The following ARG2 variants were observed in gnomAD, a reference collection of about 807,000 sequenced individuals.
ARG2 encodes arginase 2.
ARG2 carries 21 observed loss-of-function variants against 39.4 expected under a neutral mutation model. The ratio of observed to expected loss-of-function variants is 0.53; its 90% CI spans 0.38 to 0.77. ARG2 has a LOEUF of 0.77. Ranked by LOEUF, ARG2 falls within the 30% of genes least tolerant of loss-of-function variation. The probability of loss-of-function intolerance (pLI) is 0.00; values close to 1 mark genes in which losing one functional copy is unlikely to be tolerated. For missense variants in ARG2, 378 were observed against 426.2 expected, an observed-to-expected ratio of 0.89 and a Z score of 1.00; for synonymous variants, 150 against 156.7, an observed-to-expected ratio of 0.96 and a Z score of 0.32.
At chr14:67,637,017 C>T (rs557053162) in intron 2 of ARG2, among the ~76,000 whole-genome samples, 45 of 152,334 alleles carry the variant, frequency 3.0e-4, no homozygotes, top group African/African-American at 1.1e-3. Context: ...ATTACAATGT[C>T]TGCATTTTTC....
Position 67,651,064 on chromosome 14 carries a change from C to T in ARG2, c.*144C>T. On this transcript the variant is annotated 3_prime_UTR_variant, in exon 8 of 8. Coordinates refer to ENST00000261783, the MANE Select transcript of ARG2 (RefSeq NM_001172.4). ...CATTCTCACAATTGTAAAGTTTCCC[C>T]TCTATTTTGGTGACCAATACTACTG... 3 of 1,080,940 alleles carry T rather than the reference C, an allele frequency of 2.8e-6. No homozygotes were observed. Among genetic ancestry groups the T allele is most frequent in the Non-Finnish European group, 4.0e-6 (3 of 754,366 alleles). 67.0% of individuals were successfully genotyped at this position (1,080,940 alleles called of 1,614,324 possible).
intron 3 of ARG2, among the ~76,000 whole-genome samples, chr14:67,644,020 T>G (rs7140310): frequency 0.17 from 25,838 of 152,138 alleles, 2,281 homozygotes; most frequent in East Asian, 0.25. Flanking sequence ...CTGTCTGCTG[T>G]TCTGAGTTCT....
At chr14:67,647,821 T>C (rs2037120352) in intron 6 of ARG2, 4 of 546,572 alleles carry the variant, frequency 7.3e-6, no homozygotes, top group South Asian at 7.0e-5. Context: ...GTCTGAGGTA[T>C]GCAGAACAAA....
At chr14:67,639,910 G>T (rs751722127) in intron 2 of ARG2, among the ~76,000 whole-genome samples, 1 of 122,824 alleles carries the variant, frequency 8.1e-6, no homozygotes, top group African/African-American at 3.2e-5. Context: ...GCATGATAGC[G>T]CAAGACCCTG....
rs2037168501 is a variant in ARG2, at chr14:67,651,053, TAA to T, written c.*135_*136del. 2.7e-6 allele frequency: 3 copies of T among 1,101,536 alleles called. No individual in the cohort carries two copies. Among genetic ancestry groups the T allele is most frequent in the Non-Finnish European group, 3.9e-6 (3 of 770,034 alleles). The allele number at this position is 1,101,536 out of a possible 1,614,324, so 68.2% of individuals were successfully genotyped here. ...GAACATTTACACATTCTCACAATTG[TAA>T]AGTTTCCCCTCTATTTTGGTGACCA... is the stretch of plus-strand genomic sequence containing the variant. On this transcript the variant is annotated 3_prime_UTR_variant, in exon 8 of 8. Transcript: ENST00000261783.
chr14:67,642,347 C>A lies in ARG2; in HGVS notation c.346C>A (p.Leu116Met). The change falls in exon 3 of 8, where the codon CTG becomes ATG. Residue 116 changes from leucine to methionine, a missense_variant. By Grantham distance (15) the Leu-to-Met change is conservative. Transcript: ENST00000261783. The stretch of plus-strand genomic sequence containing the variant: ...GTCAGATGGCTACAGCTGTGTCACA[C>A]TGGGAGGAGACCACAGGTAAGCTGG... The part of the protein sequence containing the change: ...AVSDGYSCVT[L>M]GGDHSLAIGT... The A allele has an allele frequency of 6.2e-7, 1 of 1,613,846 alleles. No homozygotes were observed. The highest frequency in any genetic ancestry group is 2.2e-5 in the East Asian group (1 of 44,884).
intron 2 of ARG2, among the ~76,000 whole-genome samples, chr14:67,629,983 C>T (rs2036902865): frequency 6.6e-6 from 1 of 152,158 alleles, no homozygotes; most frequent in African/African-American, 2.4e-5. Context: ...AATGCATGAT[C>T]TTCACCTCCA....
intron 2 of ARG2, among the ~76,000 whole-genome samples, chr14:67,624,359 T>C (rs2036841550): frequency 6.6e-6 from 1 of 152,210 alleles, no homozygotes; most frequent in Admixed American, 6.5e-5. Flanking sequence ...ACTGTATTAG[T>C]CTGTTCTTGT....
chr14:67,642,464 T>C, intron 3 of ARG2, 101 bp downstream of exon 3: 1 of 1,351,558 alleles, frequency 7.4e-7, no homozygotes, highest in East Asian at 2.5e-5. Flanking sequence ...AAAAATACCC[T>C]ACAGAATTTT....
intron 2 of ARG2, among the ~76,000 whole-genome samples, chr14:67,639,659 G>A (rs1423043447): frequency 6.6e-6 from 1 of 152,114 alleles, no homozygotes; most frequent in Non-Finnish European, 1.5e-5. Context: ...AGTGGCTCAT[G>A]CCTGTAATCC....
In ARG2 at chr14:67,651,010, T is replaced by A; in HGVS notation, c.*90T>A. On this transcript the variant is annotated 3_prime_UTR_variant, in exon 8 of 8. Transcript: ENST00000261783. ...GATGAATACTAAATGGTTGTCTGGG[T>A]CAATACTGCCTTAATGAGAACATTT... is the stretch of plus-strand genomic sequence containing the variant. 7.7e-7 allele frequency: 1 copy of A among 1,305,204 alleles called. No individual in the cohort carries two copies. The highest frequency in any genetic ancestry group is 1.1e-6 in the Non-Finnish European group (1 of 926,204). 80.9% of individuals were successfully genotyped at this position (1,305,204 alleles called of 1,614,324 possible). A position where few individuals can be genotyped will look rare whatever the true frequency, so the allele number is the denominator to read the frequency against.
chr14:67,626,258 G>C (rs985367623), intron 2 of ARG2, among the ~76,000 whole-genome samples: 1 of 146,796 alleles, frequency 6.8e-6, no homozygotes, highest in Admixed American at 6.8e-5. Flanking sequence ...TGTCTCAGGG[G>C]AAAAAAAAAA....
At chr14:67,642,419 T>C (rs2037043575) in intron 3 of ARG2, 56 bp downstream of exon 3, 6 of 1,566,368 alleles carry the variant, frequency 3.8e-6, no homozygotes, top group Non-Finnish European at 5.2e-6. Flanking sequence ...TTGGGGCTCA[T>C]AACTTAGCTT....
Position 67,648,103 on chromosome 14 carries a change from C to T in ARG2, c.779C>T (p.Ala260Val), listed in dbSNP as rs911182489. 1 of 1,613,928 alleles carries T rather than the reference C, an allele frequency of 6.2e-7. No individual in the cohort carries two copies. The highest frequency in any genetic ancestry group is 2.2e-5 in the East Asian group (1 of 44,874). The part of the protein sequence containing the change: ...FDIDAFDPTL[A>V]PATGTPVVGG... ...ATTGATGCATTTGACCCTACACTGG[C>T]TCCAGCCACAGGAACTCCTGTTGTC... is the stretch of plus-strand genomic sequence containing the variant. The change falls in exon 7 of 8, where the codon GCT (alanine) becomes GTT (valine). Residue 260 changes from alanine to valine, a missense_variant. Physicochemically the swap from Ala to Val is moderately conservative, Grantham distance 64. Transcript: ENST00000261783.
At chr14:67,635,759 A>C (rs2036965285) in intron 2 of ARG2, among the ~76,000 whole-genome samples, 1 of 152,140 alleles carries the variant, frequency 6.6e-6, no homozygotes, top group Non-Finnish European at 1.5e-5. Flanking sequence ...AAGCTGAGGC[A>C]GGAGAATTGC....
At chr14:67,636,165 T>C (rs941607129) in intron 2 of ARG2, among the ~76,000 whole-genome samples, 1 of 152,026 alleles carries the variant, frequency 6.6e-6, no homozygotes, top group African/African-American at 2.4e-5. Flanking sequence ...CTCCTGTGTG[T>C]CAGCCCACTT....
Position 67,642,180 on chromosome 14 carries a change from T to C in ARG2, c.185-6T>C. On this transcript the variant is annotated splice_region_variant and splice_polypyrimidine_tract_variant and intron_variant, in intron 2 of 7. Transcript: ENST00000261783. The stretch of plus-strand genomic sequence containing the variant: ...ATTCATCTTGTCATCCCTCATTTGC[T>C]TCCAGGCTGCCACCTAAAAGACTTT... 1 of 1,613,026 alleles carries C rather than the reference T, an allele frequency of 6.2e-7. No homozygotes were observed. Among genetic ancestry groups the C allele is most frequent in the East Asian group, 2.2e-5 (1 of 44,856 alleles).
At chr14:67,627,254 G>T (rs2036875377) in intron 2 of ARG2, among the ~76,000 whole-genome samples, 2 of 46,788 alleles carry the variant, frequency 4.3e-5, no homozygotes, top group East Asian at 9.0e-4. Context: ...GATCAGTAAG[G>T]AGATATATAT....
chr14:67,620,659 G>A (rs566144251), intron 1 of ARG2, among the ~76,000 whole-genome samples: 1 of 152,160 alleles, frequency 6.6e-6, no homozygotes, highest in South Asian at 2.1e-4. Flanking sequence ...CCAGTCTCTG[G>A]CCCGAGCCAG....
Sources: gnomAD v4.1 joint callset for allele counts (sites outside exome capture counted in the v4.1 genomes callset) on GRCh38, gnomAD v4.1.1 for gene constraint, MANE v1.5 for transcripts, NCBI Gene and HGNC (gene_info 2026-07-23, HGNC 2026-07-21) for gene names.